The following JPH3 variants were observed in gnomAD, a reference collection of about 807,000 sequenced individuals.
The protein encoded by JPH3 is junctophilin-3.
JPH3 carries 11 observed loss-of-function variants against 59.6 expected under a neutral mutation model. That is an observed-to-expected ratio of 0.18 (90% CI 0.12 to 0.31). The LOEUF (loss-of-function observed/expected upper bound fraction) is 0.31, where lower values mean the gene tolerates loss of function less well. Among genes scored for constraint, JPH3 ranks in the 10% least tolerant of loss-of-function variants. The probability of loss-of-function intolerance (pLI) is 1.00; values close to 1 mark genes in which losing one functional copy is unlikely to be tolerated. For missense variants in JPH3, 1,202 were observed against 1,105.7 expected, an observed-to-expected ratio of 1.09 and a Z score of -1.24; for synonymous variants, 673 against 483.6, an observed-to-expected ratio of 1.39 and a Z score of -5.14.
At chr16:87,662,857 A>C (rs752550965) in intron 2 of JPH3, among the ~76,000 whole-genome samples, 2 of 152,088 alleles carry the variant, frequency 1.3e-5, no homozygotes, top group African/African-American at 2.4e-5. Flanking sequence ...GGCCCTCCCT[A>C]CCTGAAACCT....
intron 3 of JPH3, among the ~76,000 whole-genome samples, chr16:87,686,516 G>A (rs1348065750): frequency 6.8e-6 from 1 of 146,384 alleles, no homozygotes; most frequent in Non-Finnish European, 1.5e-5. Context: ...AGTCAGAGAT[G>A]TTTCCCGGAG....
At chr16:87,621,438 C>G (rs563856981) in intron 1 of JPH3, among the ~76,000 whole-genome samples, 1 of 152,230 alleles carries the variant, frequency 6.6e-6, no homozygotes, top group East Asian at 1.9e-4. Context: ...CCCTGTGAAT[C>G]CAAGGCCACA....
chr16:87,608,705 T>A (rs1567580093), intron 1 of JPH3, among the ~76,000 whole-genome samples: 1 of 152,186 alleles, frequency 6.6e-6, no homozygotes, highest in African/African-American at 2.4e-5. Context: ...AGTGACCGCC[T>A]GGTCCCGGAC....
chr16:87,690,569 C>T, intron 4 of JPH3, 43 bp downstream of exon 4: 2 of 1,434,346 alleles, frequency 1.4e-6, no homozygotes, highest in South Asian at 1.6e-5. Context: ...GAGGCAACAT[C>T]CACCTCTCTG....
chr16:87,683,939 G>C (rs1160619606), intron 2 of JPH3: 2 of 581,632 alleles, frequency 3.4e-6, no homozygotes, highest in East Asian at 2.9e-5. Context: ...TGTGCACTGG[G>C]CCTGGTTGGT....
intron 1 of JPH3, among the ~76,000 whole-genome samples, chr16:87,626,060 T>G (rs569216633): frequency 6.6e-6 from 1 of 152,162 alleles, no homozygotes; most frequent in Admixed American, 6.5e-5. Flanking sequence ...TATGCGTAAG[T>G]TACTGCTATC....
At chr16:87,659,629 A>G (rs1394353530) in intron 2 of JPH3, among the ~76,000 whole-genome samples, 1 of 152,028 alleles carries the variant, frequency 6.6e-6, no homozygotes, top group East Asian at 1.9e-4. Flanking sequence ...GTTACTCAGG[A>G]GGTTGAGGCA....
chr16:87,695,884 C>T (rs1383602509), intron 4 of JPH3: 7 of 455,852 alleles, frequency 1.5e-5, no homozygotes, highest in Admixed American at 4.7e-5. Context: ...CCAGGCTGTG[C>T]GGCTGAAGGG....
intron 2 of JPH3, among the ~76,000 whole-genome samples, chr16:87,657,135 C>T (rs1489333399): frequency 6.6e-6 from 1 of 152,152 alleles, no homozygotes; most frequent in African/African-American, 2.4e-5. Flanking sequence ...TAGGAGGAGG[C>T]CAGGCCAGCG....
intron 1 of JPH3, among the ~76,000 whole-genome samples, chr16:87,606,113 C>T (rs770936610): frequency 7.9e-5 from 12 of 152,300 alleles, no homozygotes; most frequent in Non-Finnish European, 1.2e-4. Flanking sequence ...GTGTGGGGAT[C>T]GCCAGAATGG....
intron 2 of JPH3, among the ~76,000 whole-genome samples, chr16:87,668,989 G>C (rs1415478226): frequency 6.6e-6 from 1 of 152,160 alleles, no homozygotes; most frequent in South Asian, 2.1e-4. Context: ...TAATCTTCTC[G>C]GAGGTCCTGC....
chr16:87,640,868 C>T (rs2031926857), intron 1 of JPH3, among the ~76,000 whole-genome samples: 1 of 152,208 alleles, frequency 6.6e-6, no homozygotes, highest in Non-Finnish European at 1.5e-5. Flanking sequence ...GGTGAGGGTC[C>T]CTGTGATGGC....
chr16:87,650,047 T>C (rs968491519), intron 2 of JPH3, among the ~76,000 whole-genome samples: 10 of 152,182 alleles, frequency 6.6e-5, no homozygotes, highest in Admixed American at 4.6e-4. Flanking sequence ...AGGCCCACCT[T>C]GATTCAGGGG....
At chr16:87,604,908 G>C in intron 1 of JPH3, 1 of 439,268 alleles carries the variant, frequency 2.3e-6, no homozygotes, top group South Asian at 1.6e-5. Context: ...AGGTTGGAGA[G>C]CTTCCCTGAC....
intron 2 of JPH3, among the ~76,000 whole-genome samples, chr16:87,663,752 C>T (rs1318808770): frequency 2.0e-5 from 3 of 152,212 alleles, no homozygotes; most frequent in African/African-American, 4.8e-5. Context: ...CCACCTCCCT[C>T]GGTAAACTTA....
At chr16:87,657,643 G>A (rs1368986125) in intron 2 of JPH3, among the ~76,000 whole-genome samples, 1 of 152,202 alleles carries the variant, frequency 6.6e-6, no homozygotes, top group African/African-American at 2.4e-5. Flanking sequence ...TGTGGAGACT[G>A]CTCTTGAGGT....
At chr16:87,690,646 G>A (rs931344403) in intron 4 of JPH3, 120 bp downstream of exon 4, 1 of 1,117,220 alleles carries the variant, frequency 9.0e-7, no homozygotes. Context: ...CAGGGGTGGA[G>A]TAGGGTGGGG....
rs555990530 is a variant in JPH3, at chr16:87,631,458, C to A, written c.383-12800C>A. On this transcript the variant is annotated intron_variant, in intron 1 of 4. Transcript: ENST00000284262. ...GGTTCAGTGTTGCTCTTGAGAAGCC[C>A]ATGCTGTTCTGATTCTCAGTCCTTC... Among the ~76,000 whole-genome samples the A allele has an allele frequency of 6.6e-5, 10 of 152,292 alleles. No homozygotes were observed. The South Asian group carries it at 2.1e-3, about 32-fold the overall frequency.
chr16:87,620,355 C>T (rs75431231), intron 1 of JPH3, among the ~76,000 whole-genome samples: 305 of 108,456 alleles, frequency 2.8e-3, no homozygotes, highest in African/African-American at 0.01. Flanking sequence ...TGGGCCAGAG[C>T]GGGCCAGAGC....
Sources: allele counts gnomAD v4.1 joint callset (sites outside exome capture counted in the v4.1 genomes callset), GRCh38; gene constraint gnomAD v4.1.1; transcripts MANE v1.5; gene names NCBI Gene and HGNC (gene_info 2026-07-23, HGNC 2026-07-21).